Variants in SHISA9 observed in about 807,000 individuals in gnomAD.
The protein encoded by SHISA9 is protein shisa-9.
Under a neutral mutation model 38.0 loss-of-function variants are expected in SHISA9, and 13 were observed. The observed-to-expected ratio is 0.34, with a 90% confidence interval of 0.22 to 0.54. SHISA9 has a LOEUF of 0.54. SHISA9 is among the 20% of genes least tolerant of loss of function. SHISA9 has a pLI of 0.91. For missense variants in SHISA9, 538 were observed against 575.8 expected (o/e 0.93, Z 0.67); for synonymous variants, 275 against 242.0 (o/e 1.14, Z -1.27).
chr16:12,920,767 G>C (rs2141727031), intron 2 of SHISA9, among the ~76,000 whole-genome samples: 1 of 152,302 alleles, frequency 6.6e-6, no homozygotes, highest in Non-Finnish European at 1.5e-5. Context: ...ATCAACGTGA[G>C]TACTTTCCTT....
the SHISA9 span, among the ~76,000 whole-genome samples, chr16:13,414,737 C>T: frequency 1.3e-5 from 2 of 150,064 alleles, no homozygotes; most frequent in African/African-American, 2.5e-5. Flanking sequence ...CTCTGCCTCC[C>T]GGGTTCAAGC....
the SHISA9 span, among the ~76,000 whole-genome samples, chr16:13,464,455 C>T: frequency 2.4e-4 from 37 of 152,318 alleles, no homozygotes; most frequent in African/African-American, 8.2e-4. Flanking sequence ...CTCTGGTTCT[C>T]CCTATCAGCC....
the SHISA9 span, among the ~76,000 whole-genome samples, chr16:13,548,587 G>A: frequency 3.3e-5 from 5 of 152,104 alleles, no homozygotes; most frequent in African/African-American, 9.7e-5. Context: ...CAAACAAGTG[G>A]CTACAAATAT....
the SHISA9 span, among the ~76,000 whole-genome samples, chr16:13,345,242 G>A: frequency 6.6e-6 from 1 of 151,906 alleles, no homozygotes; most frequent in South Asian, 2.1e-4. Context: ...TATTTTTCCT[G>A]ATCCTCTCCC....
chr16:12,922,098 T>C (rs1263585319), intron 2 of SHISA9, among the ~76,000 whole-genome samples: 2 of 152,228 alleles, frequency 1.3e-5, no homozygotes, highest in South Asian at 2.1e-4. Flanking sequence ...ACCACTACAT[T>C]CTATTGCCTT....
chr16:12,916,857 A>G (rs1250807172), intron 2 of SHISA9, 42 bp downstream of exon 2: 8 of 1,540,564 alleles, frequency 5.2e-6, no homozygotes, highest in South Asian at 2.4e-5. Context: ...CCATGGGGTG[A>G]CCTGAGCAGT....
chr16:12,998,693 A>G (rs1275252402), intron 2 of SHISA9, among the ~76,000 whole-genome samples: 2 of 152,054 alleles, frequency 1.3e-5, no homozygotes, highest in Admixed American at 1.3e-4. Context: ...CCCATGCTTG[A>G]CTAATTTTAA....
chr16:12,936,986 C>T (rs1320723635), intron 2 of SHISA9, among the ~76,000 whole-genome samples: 1 of 152,154 alleles, frequency 6.6e-6, no homozygotes, highest in Non-Finnish European at 1.5e-5. Context: ...TTTAAGATCA[C>T]TATTGTAACC....
intron 2 of SHISA9, among the ~76,000 whole-genome samples, chr16:13,114,091 G>A (rs2074005898): frequency 1.3e-5 from 2 of 152,082 alleles, no homozygotes; most frequent in South Asian, 2.1e-4. Flanking sequence ...TTAACAATTA[G>A]CAAACTCACA....
the SHISA9 span, among the ~76,000 whole-genome samples, chr16:13,386,699 A>T: frequency 5.7e-3 from 869 of 152,306 alleles, 4 homozygotes; most frequent in Admixed American, 9.8e-3. Context: ...ATGCTTCTAT[A>T]TCAGTCTGTT....
chr16:13,039,971 T>C (rs1275963225), intron 2 of SHISA9, among the ~76,000 whole-genome samples: 1 of 152,146 alleles, frequency 6.6e-6, no homozygotes, highest in Non-Finnish European at 1.5e-5. Context: ...TCCTGCCAAC[T>C]CCACCCACTT....
chr16:13,331,956 C>T, the SHISA9 span: 1 of 152,190 alleles, frequency 6.6e-6, no homozygotes, highest in Non-Finnish European at 1.5e-5. Context: ...AAAGTACTCT[C>T]TTTGGTCCTG....
At chr16:13,491,330 T>C in the SHISA9 span, among the ~76,000 whole-genome samples, 2 of 151,384 alleles carry the variant, frequency 1.3e-5, no homozygotes, top group African/African-American at 4.9e-5. Flanking sequence ...CCATGTTGTG[T>C]AACAGAAATT....
chr16:13,482,895 T>C, the SHISA9 span, among the ~76,000 whole-genome samples: 1 of 151,832 alleles, frequency 6.6e-6, no homozygotes, highest in African/African-American at 2.4e-5. Flanking sequence ...ACTCTACTGC[T>C]AATGCTTCCC....
At chr16:13,394,022 A>G in the SHISA9 span, among the ~76,000 whole-genome samples, 1 of 152,276 alleles carries the variant, frequency 6.6e-6, no homozygotes, top group East Asian at 1.9e-4. Context: ...CACCCCATTG[A>G]CACTGGGTTA....
At chr16:13,060,940 A>G (rs1358902959) in intron 2 of SHISA9, among the ~76,000 whole-genome samples, 1 of 152,106 alleles carries the variant, frequency 6.6e-6, no homozygotes, top group Non-Finnish European at 1.5e-5. Context: ...TGAGGGCCGC[A>G]TGGGGTCATA....
intron 2 of SHISA9, among the ~76,000 whole-genome samples, chr16:13,115,965 A>G (rs1368430522): frequency 6.6e-6 from 1 of 152,104 alleles, no homozygotes; most frequent in Non-Finnish European, 1.5e-5. Context: ...TTTTAGGCCA[A>G]ATTCAAATAC....
chr16:13,453,823 A>G, the SHISA9 span, among the ~76,000 whole-genome samples: 1 of 152,256 alleles, frequency 6.6e-6, no homozygotes, highest in Non-Finnish European at 1.5e-5. Context: ...GGAAGACTGC[A>G]GCTCACCTCA....
At chr16:12,997,259 T>C (rs1034044780) in intron 2 of SHISA9, among the ~76,000 whole-genome samples, 2 of 152,062 alleles carry the variant, frequency 1.3e-5, no homozygotes, top group African/African-American at 4.8e-5. Flanking sequence ...CTTCTTTTGC[T>C]TGGCAGGACA....
Sources: allele counts gnomAD v4.1 joint callset (sites outside exome capture counted in the v4.1 genomes callset), GRCh38; gene constraint gnomAD v4.1.1; transcripts MANE v1.5; gene names NCBI Gene and HGNC (gene_info 2026-07-23, HGNC 2026-07-21).